Variants in LPP observed in about 807,000 individuals in gnomAD.
The protein encoded by LPP is LIM domain containing preferred translocation partner in lipoma.
LPP carries 38 observed loss-of-function variants against 60.4 expected under a neutral mutation model. The ratio of observed to expected loss-of-function variants is 0.63; its 90% CI spans 0.49 to 0.83. The LOEUF (loss-of-function observed/expected upper bound fraction) is 0.83. LPP is among the 40% of genes least tolerant of loss of function. LPP has a pLI of 0.00. For synonymous variants in LPP, 328 were observed against 290.8 expected, an observed-to-expected ratio of 1.13 and a Z score of -1.30; for missense variants, 902 against 783.6, an observed-to-expected ratio of 1.15 and a Z score of -1.80.
At chr3:188,625,074 C>G (rs535162571) in intron 7 of LPP, among the ~76,000 whole-genome samples, 20 of 152,004 alleles carry the variant, frequency 1.3e-4, no homozygotes, top group Non-Finnish European at 2.6e-4. Context: ...GTCTAGTTTT[C>G]TATTTTAAGG....
chr3:188,362,628 C>G (rs1188873025), intron 3 of LPP, among the ~76,000 whole-genome samples: 2 of 152,142 alleles, frequency 1.3e-5, no homozygotes, highest in African/African-American at 4.8e-5. Flanking sequence ...AATATGAACA[C>G]ACACGTTTTC....
At chr3:188,699,449 G>A (rs763113153) in intron 7 of LPP, among the ~76,000 whole-genome samples, 1 of 152,114 alleles carries the variant, frequency 6.6e-6, no homozygotes, top group Non-Finnish European at 1.5e-5. Context: ...TTTAAGAAAA[G>A]GCATTTTATG....
chr3:188,276,894 C>CTTTTTT (rs1203656488), intron 2 of LPP, among the ~76,000 whole-genome samples: 72 of 38,226 alleles, frequency 1.9e-3, no homozygotes, highest in East Asian at 0.011. Context: ...CTTTTCTTTT[C>CTTTTTT]TTTTTTTTTT....
chr3:188,884,280 C>T lies in LPP; in HGVS notation c.*9801C>T, dbSNP rs1256218679. On this transcript the variant is annotated 3_prime_UTR_variant, in exon 12 of 12. Transcript: ENST00000617246. The stretch of plus-strand genomic sequence containing the variant: ...GGGATATAACCAGGTCTTGCAAGTC[C>T]AGTGCTGTCTCCAAGTAGCCACGCT... The T allele has an allele frequency of 8.7e-6, 2 of 230,244 alleles. No homozygotes were observed. The highest frequency in any genetic ancestry group is 4.4e-5 in the African/African-American group (2 of 45,130). The allele number at this position is 230,244 out of a possible 1,614,324, so 14.3% of individuals were successfully genotyped here.
chr3:188,255,476 G>A (rs1447988699), intron 2 of LPP, among the ~76,000 whole-genome samples: 6 of 152,058 alleles, frequency 3.9e-5, no homozygotes, highest in Non-Finnish European at 1.5e-5. Context: ...ATAGATTCTG[G>A]GCAAGCAGCC....
intron 7 of LPP, among the ~76,000 whole-genome samples, chr3:188,626,664 T>TA (rs1229426560): frequency 6.6e-6 from 1 of 152,164 alleles, no homozygotes; most frequent in Non-Finnish European, 1.5e-5. Context: ...TCCCTCTTTT[T>TA]ATAAGGACAA....
At chr3:188,573,927 G>A (rs1288892623) in intron 6 of LPP, among the ~76,000 whole-genome samples, 1 of 152,146 alleles carries the variant, frequency 6.6e-6, no homozygotes, top group African/African-American at 2.4e-5. Context: ...GGACATTCTT[G>A]TAATGTAAGG....
At chr3:188,241,873 C>T (rs1725010727) in intron 2 of LPP, among the ~76,000 whole-genome samples, 1 of 152,046 alleles carries the variant, frequency 6.6e-6, no homozygotes, top group Admixed American at 6.6e-5. Flanking sequence ...TAAGAAGAAA[C>T]ATGTCAAATG....
intron 9 of LPP, among the ~76,000 whole-genome samples, chr3:188,857,773 A>G (rs73888950): frequency 0.025 from 3,734 of 152,282 alleles, 146 homozygotes; most frequent in African/African-American, 0.084. Context: ...AATTCCTTAG[A>G]TAATCCATTT....
chr3:188,399,850 G>A (rs570281874), intron 3 of LPP, among the ~76,000 whole-genome samples: 4 of 152,144 alleles, frequency 2.6e-5, no homozygotes, highest in South Asian at 4.2e-4. Flanking sequence ...TGATTTGGAC[G>A]AAAAAAAGGA....
At chr3:188,549,144 T>G (rs944304277) in intron 6 of LPP, among the ~76,000 whole-genome samples, 1 of 152,210 alleles carries the variant, frequency 6.6e-6, no homozygotes, top group African/African-American at 2.4e-5. Context: ...GTATAATTAT[T>G]TTTAATTTAA....
chr3:188,353,123 A>AAGTATTTTTCCAAT (rs1766429599), intron 3 of LPP, among the ~76,000 whole-genome samples: 1 of 152,142 alleles, frequency 6.6e-6, no homozygotes, highest in African/African-American at 2.4e-5. Flanking sequence ...GTATAATGTC[A>AAGTATTTTTCCAAT]AGTATTTTTC....
intron 8 of LPP, among the ~76,000 whole-genome samples, chr3:188,719,292 G>T (rs996919963): frequency 6.6e-6 from 1 of 152,122 alleles, no homozygotes; most frequent in Admixed American, 6.5e-5. Flanking sequence ...GATGGATAGG[G>T]CATCACATTG....
chr3:188,681,849 T>C (rs1196147564), intron 7 of LPP, among the ~76,000 whole-genome samples: 5 of 152,242 alleles, frequency 3.3e-5, no homozygotes, highest in African/African-American at 7.2e-5. Flanking sequence ...ATGTTTTTAA[T>C]GTGTGTGCAT....
At chr3:188,800,195 A>G (rs1385692916) in intron 9 of LPP, among the ~76,000 whole-genome samples, 3 of 121,186 alleles carry the variant, frequency 2.5e-5, no homozygotes, top group Non-Finnish European at 5.4e-5. Flanking sequence ...TTTTTTTGCC[A>G]TTAAAAGCAA....
At chr3:188,661,257 T>A (rs756184350) in intron 7 of LPP, among the ~76,000 whole-genome samples, 3 of 152,226 alleles carry the variant, frequency 2.0e-5, no homozygotes, top group Non-Finnish European at 4.4e-5. Context: ...ACATCTTAGT[T>A]GTTTCCAAGT....
intron 2 of LPP, among the ~76,000 whole-genome samples, chr3:188,282,910 G>A (rs571721581): frequency 6.6e-6 from 1 of 152,278 alleles, no homozygotes; most frequent in Admixed American, 6.5e-5. Flanking sequence ...AGACATCTCT[G>A]ATCCTTTGGA....
Position 188,248,468 on chromosome 3 carries a change from TTATATATATATATA to T in LPP, c.-67+22958_-67+22971del, listed in dbSNP as rs55811112. 5.6e-4 allele frequency among the ~76,000 whole-genome samples: 47 copies of T among 84,152 alleles called. 5 individuals are homozygous for T. The highest frequency in any genetic ancestry group is 1.4e-3 in the African/African-American group (26 of 18,832). The allele number at this position is 84,152 out of a possible 152,430, so 55.2% of individuals were successfully genotyped here. On this transcript the variant is annotated intron_variant, in intron 2 of 11. Coordinates refer to ENST00000617246, the MANE Select transcript of LPP (RefSeq NM_001375462.1). ...CCTAGTGTTCAGCTGCAGTATAACT[TTATATATATATATA>T]TATATATATATATATACAGTCAGCA...
chr3:188,709,117 C>T (rs1313631478), intron 8 of LPP: 1 of 151,696 alleles, frequency 6.6e-6, no homozygotes, highest in Non-Finnish European at 1.5e-5. Context: ...TTAATTTTCC[C>T]CTCTTCAAAC....
Sources: gnomAD v4.1 joint callset for allele counts (sites outside exome capture counted in the v4.1 genomes callset) on GRCh38, gnomAD v4.1.1 for gene constraint, MANE v1.5 for transcripts, NCBI Gene and HGNC (gene_info 2026-07-23, HGNC 2026-07-21) for gene names.